Variants in PER3 observed in about 807,000 individuals in gnomAD.
PER3 encodes the protein period circadian protein homolog 3.
A neutral mutation model predicts 127.2 loss-of-function variants in PER3; 107 were observed. The ratio of observed to expected loss-of-function variants is 0.84; its 90% CI spans 0.72 to 0.99. PER3 has a LOEUF of 0.99. PER3 is among the 50% of genes least tolerant of loss of function. PER3 has a pLI of 0.00. For synonymous variants in PER3, 618 were observed against 585.8 expected (o/e 1.05, Z -0.79); for missense variants, 1,560 against 1,525.8 (o/e 1.02, Z -0.37).
At chr1:7,827,921 C>T (rs537795585) in intron 18 of PER3, 106 bp downstream of exon 18, 97 of 807,270 alleles carry the variant, frequency 1.2e-4, no homozygotes, top group East Asian at 1.8e-4. Context: ...AGGTAATCCG[C>T]GTGGCTACTG....
chr1:7,835,941 G>A lies in PER3; in HGVS notation c.3394G>A (p.Glu1132Lys), dbSNP rs772494574. 4 of 1,582,774 alleles carry A rather than the reference G, an allele frequency of 2.5e-6. No homozygotes were observed. The highest frequency in any genetic ancestry group is 2.6e-6 in the Non-Finnish European group (3 of 1,159,226). Residue 1132 changes from glutamate (E) to lysine (K), a missense_variant, in exon 20 of 22, where the codon GAG (glutamate) becomes AAG (lysine). By Grantham distance (56) the Glu-to-Lys change is moderately conservative. Transcript: ENST00000377532. ...CATTCTCATGACATACCAGGTACCT[G>A]AGAGGTAAGAAAGCACTTTAGAAAA... is the stretch of plus-strand genomic sequence containing the variant. ...ERILMTYQVP[E>K]RVKEVVLKED...
rs556093537 is a variant in PER3 at position 7,827,228 on chromosome 1, C to T, written c.2299C>T (p.Pro767Ser). 4.9e-4 allele frequency: 793 copies of T among 1,613,980 alleles called. 6 individuals are homozygous for T. In the South Asian group the frequency reaches 8.3e-3, roughly 17 times the overall value. ...CAGCAGCTCGAACACCGGCTCTGGT[C>T]CCCGCAGGGGAGCGCATCAGAACGC... is the stretch of plus-strand genomic sequence containing the variant. ...DSSSSNTGSG[P>S]RRGAHQNAQP... The change falls in exon 18 of 22, where the codon CCC becomes TCC. Residue 767 changes from proline (P) to serine (S), a missense_variant. By Grantham distance (74) the Pro-to-Ser change is moderately conservative. Transcript: ENST00000377532.
chr1:7,836,912 A>G (rs2097361254), intron 20 of PER3, 87 bp from the exon 21 acceptor site: 6 of 1,005,212 alleles, frequency 6.0e-6, no homozygotes, highest in Non-Finnish European at 9.0e-6. Flanking sequence ...TGTATTACCA[A>G]CCAAGAAGAA....
rs140974114 is a variant in PER3 at position 7,827,202 on chromosome 1, G to A, written c.2273G>A (p.Ser758Asn). 6.5e-3 allele frequency: 10,556 copies of A among 1,613,754 alleles called. 51 individuals carry two copies. The highest frequency in any genetic ancestry group is 0.011 in the Middle Eastern group (66 of 6,062). ...AAGAAGCTGCCGGAGCCGCCAGACA[G>A]CAGCAGCTCGAACACCGGCTCTGGT... ...KRKKLPEPPD[S>N]SSSNTGSGPR... The change falls in exon 18 of 22, where the codon AGC becomes AAC. Residue 758 changes from serine to asparagine, a missense_variant. By Grantham distance (46) the Ser-to-Asn change is conservative. Around this residue, in one of 3 missense-constraint regions of PER3, gnomAD observed 1,332 missense variants for 1,223.6 expected, o/e 1.09. Coordinates refer to ENST00000377532, the MANE Select transcript of PER3 (RefSeq NM_001377275.1).
intron 4 of PER3, chr1:7,787,564 T>G (rs1468410619): frequency 5.5e-6 from 2 of 362,882 alleles, no homozygotes; most frequent in Non-Finnish European, 1.1e-5. Flanking sequence ...GAGGAAAGTA[T>G]GCCAATGCTA....
chr1:7,842,735 C>G lies in PER3; in HGVS notation c.3613C>G (p.Leu1205Val), dbSNP rs747721817. 1 of 1,613,328 alleles carries G rather than the reference C, an allele frequency of 6.2e-7. No homozygotes were observed. Among genetic ancestry groups the G allele is most frequent in the Admixed American group, 1.7e-5 (1 of 59,996 alleles). The part of the protein sequence containing the change: ...DGAATSCGQV[L>V]VEDSC ...TGCGGCCACATCCTGTGGTCAGGTT[C>G]TGGTAGAAGACAGCTGTTGAGTGAC... Residue 1205 changes from leucine to valine, a missense_variant, in exon 22 of 22, where the codon CTG becomes GTG. By Grantham distance (32) the Leu-to-Val change is conservative. This residue lies in a region of PER3 where 199 missense variants were observed against 198.6 expected (regional missense o/e 1.00). Transcript: ENST00000377532.
At chr1:7,824,929 G>A (rs2097294424) in intron 16 of PER3, among the ~76,000 whole-genome samples, 1 of 152,136 alleles carries the variant, frequency 6.6e-6, no homozygotes, top group Admixed American at 6.5e-5. Context: ...GTGAGTCCTT[G>A]GAAGCCCTCC....
At chr1:7,838,216 C>G (rs993650062) in intron 21 of PER3, among the ~76,000 whole-genome samples, 10 of 152,142 alleles carry the variant, frequency 6.6e-5, no homozygotes, top group African/African-American at 1.9e-4. Flanking sequence ...ATACACATAA[C>G]ATGGAATTTA....
intron 19 of PER3, among the ~76,000 whole-genome samples, chr1:7,832,269 ATGTT>A (rs922634953): frequency 5.4e-5 from 8 of 149,466 alleles, no homozygotes; most frequent in African/African-American, 2.0e-4. Context: ...ATCTGACTGT[ATGTT>A]TATCAATTTT....
chr1:7,803,156 C>T lies in PER3; in HGVS notation c.979+3C>T. On this transcript the variant is annotated splice_donor_region_variant and intron_variant, in intron 9 of 21. Transcript: ENST00000377532. ...GATGGTTGCCATACACCAAAAAGGTCAGGACCTACTCCTTTATAGGAGGAA... is the reference window on the plus strand; with the variant it reads ...GATGGTTGCCATACACCAAAAAGGTTAGGACCTACTCCTTTATAGGAGGAA... 1 of 1,512,642 alleles carries T rather than the reference C, an allele frequency of 6.6e-7. No homozygotes were observed. Among genetic ancestry groups the T allele is most frequent in the South Asian group, 1.1e-5 (1 of 88,990 alleles). 93.7% of individuals were successfully genotyped at this position (1,512,642 alleles called of 1,614,324 possible). A position where few individuals can be genotyped will look rare whatever the true frequency, so the allele number is the denominator to read the frequency against.
At position 7,810,608 on chromosome 1, in the gene PER3, C is replaced by G. The variant is rs1402200919; in HGVS notation, c.1522+20C>G. Reference sequence around the variant, plus strand: ...GTGGTGGTGAGTCAGCCGGCAGCCCCAAGGATCTCCTTCCATGGGCTGTCA... The same window carrying G: ...GTGGTGGTGAGTCAGCCGGCAGCCCGAAGGATCTCCTTCCATGGGCTGTCA... On this transcript the variant is annotated intron_variant, in intron 13 of 21. Coordinates refer to ENST00000377532, the MANE Select transcript of PER3 (RefSeq NM_001377275.1). The G allele has an allele frequency of 6.9e-6, 11 of 1,596,616 alleles. No homozygotes were observed. In the African/African-American group the frequency reaches 1.2e-4, roughly 18 times the overall value.
chr1:7,800,002 TC>T (rs1316375099), intron 7 of PER3, among the ~76,000 whole-genome samples: 5 of 152,108 alleles, frequency 3.3e-5, no homozygotes, highest in African/African-American at 9.7e-5. Context: ...GTTCTCGAAC[TC>T]CTGGGCTCTA....
chr1:7,834,403 T>C (rs752250936), intron 19 of PER3, among the ~76,000 whole-genome samples: 1 of 152,216 alleles, frequency 6.6e-6, no homozygotes, highest in Non-Finnish European at 1.5e-5. Context: ...TTGTTATTAT[T>C]TTTGCTTTAA....
chr1:7,833,491 CT>C (rs2097342616), intron 19 of PER3, among the ~76,000 whole-genome samples: 1 of 152,138 alleles, frequency 6.6e-6, no homozygotes. Context: ...TGATGAATTG[CT>C]CTCTTTATCC....
chr1:7,810,055 A>G (rs1182475174), intron 12 of PER3, 34 bp downstream of exon 12: 1 of 1,594,566 alleles, frequency 6.3e-7, no homozygotes, highest in Admixed American at 1.7e-5. Flanking sequence ...TTATACAGGC[A>G]TCGTGTTTTC....
intron 13 of PER3, among the ~76,000 whole-genome samples, chr1:7,814,323 A>G (rs569793786): frequency 6.6e-6 from 1 of 152,348 alleles, no homozygotes; most frequent in African/African-American, 2.4e-5. Context: ...AACTGATGGA[A>G]AAAAGAAAAT....
chr1:7,814,331 A>G (rs901004206), intron 13 of PER3, among the ~76,000 whole-genome samples: 7 of 152,198 alleles, frequency 4.6e-5, no homozygotes, highest in African/African-American at 1.7e-4. Context: ...GAAAAAAGAA[A>G]ATCTTGAAAG....
At chr1:7,787,904 A>T in intron 4 of PER3, 141 bp from the exon 5 acceptor site, 1 of 638,846 alleles carries the variant, frequency 1.6e-6, no homozygotes, top group African/African-American at 1.8e-5. Context: ...AAATTATTTG[A>T]GGAGTTTTGT....
intron 10 of PER3, among the ~76,000 whole-genome samples, chr1:7,806,804 A>T (rs1265662060): frequency 9.9e-5 from 6 of 60,664 alleles, no homozygotes; most frequent in African/African-American, 2.5e-4. Flanking sequence ...TTAAAAAAAA[A>T]AAAAAAAAAT....
Sources: allele counts gnomAD v4.1 joint callset (sites outside exome capture counted in the v4.1 genomes callset), GRCh38; gene constraint gnomAD v4.1.1; regional missense constraint gnomAD v4.1.1; transcripts MANE v1.5; gene names NCBI Gene and HGNC (gene_info 2026-07-23, HGNC 2026-07-21).